PTPRZ1: variants seen among roughly 807,000 people sequenced by gnomAD.
PTPRZ1 encodes the protein receptor-type tyrosine-protein phosphatase zeta.
In PTPRZ1, 82 loss-of-function variants were observed where a neutral mutation model predicts 214.1. The ratio of observed to expected loss-of-function variants is 0.38; its 90% CI spans 0.32 to 0.46. The LOEUF is 0.46. Among genes scored for constraint, PTPRZ1 ranks in the 20% least tolerant of loss-of-function variants. The pLI is 1.00. For missense variants in PTPRZ1, 2,603 were observed against 2,748.7 expected (o/e 0.95, Z 1.19); for synonymous variants, 945 against 987.9 (o/e 0.96, Z 0.81).
At chr7:121,990,542 C>G (rs1224691229) in intron 8 of PTPRZ1, among the ~76,000 whole-genome samples, 1 of 86,868 alleles carries the variant, frequency 1.2e-5, no homozygotes, top group Non-Finnish European at 2.1e-5. Context: ...TTTTTTTTGA[C>G]AGAGTCTCTC....
At chr7:121,898,061 A>T (rs928363643) in intron 1 of PTPRZ1, among the ~76,000 whole-genome samples, 3 of 152,146 alleles carry the variant, frequency 2.0e-5, no homozygotes, top group African/African-American at 7.2e-5. Context: ...CTTCGGTGGT[A>T]CATTTAAATA....
In PTPRZ1 at chr7:122,013,573, T is replaced by C; in HGVS notation, c.4527T>C (p.Asn1509=). The change falls in exon 12 of 30, where the codon AAT becomes AAC. Residue 1509 remains asparagine (N), a synonymous_variant. Transcript: ENST00000393386. Reference sequence around the variant, plus strand: ...GTCCTGGTAAATCACCATCAGCAAATGGGCTATCCCAAAAGCACAATGATG... The same window carrying C: ...GTCCTGGTAAATCACCATCAGCAAACGGGCTATCCCAAAAGCACAATGATG... ...DRSPGKSPSA[N]GLSQKHNDGK... is the part of the protein sequence containing the mutation. 1.2e-6 allele frequency: 2 copies of C among 1,614,146 alleles called. No individual in the cohort carries two copies. The highest frequency in any genetic ancestry group is 1.7e-6 in the Non-Finnish European group (2 of 1,180,010).
intron 23 of PTPRZ1, among the ~76,000 whole-genome samples, chr7:122,046,510 A>C (rs1322481932): frequency 1.3e-5 from 2 of 152,216 alleles, no homozygotes; most frequent in African/African-American, 2.4e-5. Flanking sequence ...GTAAGGATGC[A>C]ACTTACCAGA....
At chr7:121,970,475 C>T (rs1020959142) in intron 3 of PTPRZ1, among the ~76,000 whole-genome samples, 3 of 152,046 alleles carry the variant, frequency 2.0e-5, no homozygotes, top group African/African-American at 4.8e-5. Context: ...TGTTTCCTGA[C>T]TTTTTAATGA....
chr7:121,995,743 T>C (rs1239727772), intron 8 of PTPRZ1, among the ~76,000 whole-genome samples: 1 of 152,210 alleles, frequency 6.6e-6, no homozygotes, highest in Non-Finnish European at 1.5e-5. Flanking sequence ...TCTTTGGTTT[T>C]CTCTGGTTGG....
chr7:121,996,360 C>T, intron 8 of PTPRZ1, 22 bp from the exon 9 acceptor site: 1 of 1,557,154 alleles, frequency 6.4e-7, no homozygotes. Flanking sequence ...CTATCAACAA[C>T]TGTACTTTTT....
At chr7:121,898,589 G>A (rs1794872784) in intron 1 of PTPRZ1, among the ~76,000 whole-genome samples, 1 of 151,984 alleles carries the variant, frequency 6.6e-6, no homozygotes, top group Admixed American at 6.6e-5. Context: ...CTTCATGTAT[G>A]TTGTCTACAC....
intron 1 of PTPRZ1, among the ~76,000 whole-genome samples, chr7:121,895,787 A>G (rs553317155): frequency 7.9e-5 from 12 of 152,328 alleles, no homozygotes; most frequent in African/African-American, 2.9e-4. Flanking sequence ...AATGCAAAAG[A>G]CCAGATCCTT....
At position 121,965,166 on chromosome 7, in the gene PTPRZ1, C is replaced by T. The variant is rs368906020; in HGVS notation, c.125-2785C>T. Reference sequence around the variant, plus strand: ...ATAATACTGCATATGTGTTATCACACAGTTTCTGTGGGTCAGGAGCTGAGG... The same window carrying T: ...ATAATACTGCATATGTGTTATCACATAGTTTCTGTGGGTCAGGAGCTGAGG... On this transcript the variant is annotated intron_variant, in intron 2 of 29. Transcript: ENST00000393386. 3.0e-4 allele frequency among the ~76,000 whole-genome samples: 45 copies of T among 152,254 alleles called. No individual in the cohort carries two copies. In the Middle Eastern group the frequency reaches 0.014, roughly 46 times the overall value.
intron 2 of PTPRZ1, among the ~76,000 whole-genome samples, chr7:121,946,270 G>A (rs1289965723): frequency 1.3e-5 from 2 of 152,142 alleles, no homozygotes; most frequent in Non-Finnish European, 2.9e-5. Context: ...CACATCCCTA[G>A]GTATTCCTGT....
intron 1 of PTPRZ1, among the ~76,000 whole-genome samples, chr7:121,903,761 CAAG>C (rs762108902): frequency 2.0e-5 from 3 of 152,054 alleles, no homozygotes; most frequent in Non-Finnish European, 4.4e-5. Flanking sequence ...AGTCCTAAAG[CAAG>C]AAGAAGAGAG....
intron 28 of PTPRZ1, 80 bp from the exon 29 acceptor site, chr7:122,059,662 AAGTTGTCAAGG>A: frequency 7.2e-7 from 1 of 1,392,808 alleles, no homozygotes; most frequent in Non-Finnish European, 9.5e-7. Flanking sequence ...TTTCACTGCA[AAGTTGTCAAGG>A]CTATATGCTT....
intron 2 of PTPRZ1, among the ~76,000 whole-genome samples, chr7:121,931,551 G>C (rs1795925504): frequency 6.6e-6 from 1 of 152,140 alleles, no homozygotes; most frequent in Admixed American, 6.5e-5. Context: ...GTTGACTAAT[G>C]GAGTGATGGT....
chr7:122,055,879 A>G (rs148163206), intron 27 of PTPRZ1, among the ~76,000 whole-genome samples: 140 of 152,022 alleles, frequency 9.2e-4, no homozygotes, highest in African/African-American at 3.3e-3. Context: ...ACTAGTACAT[A>G]TATGGTATAC....
At chr7:121,957,966 G>A (rs1038344394) in intron 2 of PTPRZ1, among the ~76,000 whole-genome samples, 1 of 151,924 alleles carries the variant, frequency 6.6e-6, no homozygotes, top group Non-Finnish European at 1.5e-5. Context: ...TCTCTTTTGG[G>A]ATATTTGATC....
intron 2 of PTPRZ1, among the ~76,000 whole-genome samples, chr7:121,950,900 C>G (rs1470667427): frequency 6.6e-6 from 1 of 152,052 alleles, no homozygotes; most frequent in East Asian, 1.9e-4. Context: ...AGAAACAGAA[C>G]GTATTTGTGG....
At chr7:121,885,619 A>T (rs1460315648) in intron 1 of PTPRZ1, among the ~76,000 whole-genome samples, 1 of 152,208 alleles carries the variant, frequency 6.6e-6, no homozygotes, top group Non-Finnish European at 1.5e-5. Flanking sequence ...TCTTGGCATA[A>T]GAAATCAAGA....
chr7:121,920,921 A>C (rs985413480), intron 1 of PTPRZ1, among the ~76,000 whole-genome samples: 13 of 152,094 alleles, frequency 8.5e-5, no homozygotes, highest in African/African-American at 3.1e-4. Flanking sequence ...ATAGGTTACC[A>C]AACAGTGTCA....
intron 11 of PTPRZ1, among the ~76,000 whole-genome samples, chr7:122,008,620 G>C (rs1409028262): frequency 6.6e-6 from 1 of 152,036 alleles, no homozygotes; most frequent in Non-Finnish European, 1.5e-5. Flanking sequence ...TATTTTCCCT[G>C]AAAACAGGAA....
Sources: gnomAD v4.1 joint callset for allele counts (sites outside exome capture counted in the v4.1 genomes callset) on GRCh38, gnomAD v4.1.1 for gene constraint, MANE v1.5 for transcripts, NCBI Gene and HGNC (gene_info 2026-07-23, HGNC 2026-07-21) for gene names.